ZFPM2: variants seen among roughly 807,000 people sequenced by gnomAD.
ZFPM2 encodes the protein zinc finger protein, FOG family member 2.
A neutral mutation model predicts 98.6 loss-of-function variants in ZFPM2; 20 were observed. The ratio of observed to expected loss-of-function variants is 0.20; its 90% CI spans 0.14 to 0.29. ZFPM2 has a LOEUF of 0.29. Among genes scored for constraint, ZFPM2 ranks in the 10% least tolerant of loss-of-function variants. The pLI, the probability that ZFPM2 is intolerant of heterozygous loss-of-function variation, is 1.00. For missense variants in ZFPM2, 1,310 were observed against 1,388.6 expected (o/e 0.94, Z 0.90); for synonymous variants, 518 against 502.7 (o/e 1.03, Z -0.41).
intron 5 of ZFPM2, among the ~76,000 whole-genome samples, chr8:105,706,455 T>G (rs1426803881): frequency 6.6e-6 from 1 of 152,200 alleles, no homozygotes; most frequent in Non-Finnish European, 1.5e-5. Context: ...ATATAAACAT[T>G]CCTCATTTTA....
intron 5 of ZFPM2, among the ~76,000 whole-genome samples, chr8:105,722,043 ATAT>A (rs1470230008): frequency 6.6e-6 from 1 of 151,810 alleles, no homozygotes; most frequent in East Asian, 1.9e-4. Context: ...TAGATTAAAT[ATAT>A]TATTAAAATA....
At chr8:105,693,095 T>G (rs1469263623) in intron 5 of ZFPM2, among the ~76,000 whole-genome samples, 2 of 152,178 alleles carry the variant, frequency 1.3e-5, no homozygotes, top group Non-Finnish European at 2.9e-5. Flanking sequence ...TGAGTTGGAA[T>G]AGAAACACAA....
intron 4 of ZFPM2, among the ~76,000 whole-genome samples, chr8:105,564,584 T>C (rs1586466248): frequency 6.6e-6 from 1 of 152,052 alleles, no homozygotes; most frequent in African/African-American, 2.4e-5. Flanking sequence ...ACCTGTGAAT[T>C]TGGTTCTATC....
chr8:105,729,428 T>C (rs1319136611), intron 5 of ZFPM2, among the ~76,000 whole-genome samples: 1 of 151,626 alleles, frequency 6.6e-6, no homozygotes, highest in Non-Finnish European at 1.5e-5. Context: ...TATTTTTTTC[T>C]AAGAAAAGCA....
At chr8:105,632,706 A>C (rs1313550126) in intron 4 of ZFPM2, among the ~76,000 whole-genome samples, 1 of 152,216 alleles carries the variant, frequency 6.6e-6, no homozygotes, top group Non-Finnish European at 1.5e-5. Context: ...ATATACGTAG[A>C]ATATAAAATT....
At chr8:105,722,342 A>AT (rs1811686968) in intron 5 of ZFPM2, among the ~76,000 whole-genome samples, 1 of 151,646 alleles carries the variant, frequency 6.6e-6, no homozygotes, top group Non-Finnish European at 1.5e-5. Flanking sequence ...TTGTCAATTT[A>AT]TTTTTCGATT....
At chr8:105,691,016 C>T (rs1810866414) in intron 5 of ZFPM2, 1 of 152,002 alleles carries the variant, frequency 6.6e-6, no homozygotes, top group African/African-American at 2.4e-5. Flanking sequence ...GGCATTTGAC[C>T]CCAATCTGTC....
rs1416927487 is a variant in ZFPM2 at position 105,425,846 on chromosome 8, C to CT, written c.199+6551dup. Among the ~76,000 whole-genome samples, 21 of 152,218 alleles carry CT rather than the reference C, an allele frequency of 1.4e-4. No homozygotes were observed. The East Asian group carries it at 2.3e-3, about 17-fold the overall frequency. ...TAGAGTCTTAATAACGAAAAGAATG[C>CT]TTTTTTTAACTGTATCTTTATGCAG... On this transcript the variant is annotated intron_variant, in intron 2 of 7. Transcript: ENST00000407775.
chr8:105,588,470 G>A (rs1180972967), intron 4 of ZFPM2, among the ~76,000 whole-genome samples: 2 of 151,512 alleles, frequency 1.3e-5, no homozygotes, highest in African/African-American at 2.4e-5. Context: ...AAATAAAAAA[G>A]CATTTTTATT....
chr8:105,684,235 T>G (rs1455178149), intron 5 of ZFPM2, among the ~76,000 whole-genome samples: 1 of 152,154 alleles, frequency 6.6e-6, no homozygotes, highest in East Asian at 1.9e-4. Context: ...ACTTAATTTG[T>G]TATATACGTC....
chr8:105,533,538 C>T (rs772676749), intron 3 of ZFPM2, among the ~76,000 whole-genome samples: 3 of 152,048 alleles, frequency 2.0e-5, no homozygotes, highest in Non-Finnish European at 4.4e-5. Context: ...TGAAACTTAA[C>T]ACCAGGTTAC....
chr8:105,378,268 C>G (rs2129852570), intron 1 of ZFPM2, among the ~76,000 whole-genome samples: 1 of 152,200 alleles, frequency 6.6e-6, no homozygotes, highest in East Asian at 1.9e-4. Context: ...GAGGCGGGGT[C>G]CCCAAGGAAC....
chr8:105,797,438 G>A (rs1210265455), intron 6 of ZFPM2, among the ~76,000 whole-genome samples: 1 of 152,150 alleles, frequency 6.6e-6, no homozygotes, highest in East Asian at 1.9e-4. Flanking sequence ...AGACTCCACT[G>A]CTATGATTCT....
chr8:105,738,366 G>A (rs1208425634), intron 5 of ZFPM2, among the ~76,000 whole-genome samples: 1 of 151,902 alleles, frequency 6.6e-6, no homozygotes, highest in Non-Finnish European at 1.5e-5. Context: ...CTTTGTTATG[G>A]TTGCATAGTA....
chr8:105,457,458 C>T (rs1812614521), intron 3 of ZFPM2, among the ~76,000 whole-genome samples: 1 of 152,126 alleles, frequency 6.6e-6, no homozygotes, highest in South Asian at 2.1e-4. Context: ...ACTTAGTCTA[C>T]CTTCAAAAGC....
intron 1 of ZFPM2, among the ~76,000 whole-genome samples, chr8:105,380,626 CATATATATTATAT>C (rs1563630738): frequency 4.4e-5 from 1 of 22,754 alleles, no homozygotes; most frequent in Non-Finnish European, 8.2e-5. Flanking sequence ...TTATATATAA[CATATATATTATAT>C]ATATATTATA....
intron 1 of ZFPM2, among the ~76,000 whole-genome samples, chr8:105,411,026 G>A (rs1811566264): frequency 6.6e-6 from 1 of 151,770 alleles, no homozygotes; most frequent in Admixed American, 6.6e-5. Flanking sequence ...ACTGTTTAGT[G>A]GGATAAACTT....
At chr8:105,565,467 TTCTTACACAAGTGCAA>T (rs1407637221) in intron 4 of ZFPM2, among the ~76,000 whole-genome samples, 2 of 152,196 alleles carry the variant, frequency 1.3e-5, no homozygotes, top group African/African-American at 2.4e-5. Context: ...TCATATTTAC[TTCTTACACAAGTGCAA>T]GAGAAGATAA....
intron 1 of ZFPM2, among the ~76,000 whole-genome samples, chr8:105,330,833 A>T (rs1348152260): frequency 6.7e-6 from 1 of 149,990 alleles, no homozygotes; most frequent in Non-Finnish European, 1.5e-5. Flanking sequence ...TACATGAGAG[A>T]AAAGAGAAAA....
Sources: allele counts gnomAD v4.1 joint callset (sites outside exome capture counted in the v4.1 genomes callset), GRCh38; gene constraint gnomAD v4.1.1; transcripts MANE v1.5; gene names NCBI Gene and HGNC (gene_info 2026-07-23, HGNC 2026-07-21).